Variants in TPD52L1 observed in about 807,000 individuals in gnomAD.
The protein encoded by TPD52L1 is TPD52 like 1.
In TPD52L1, 18 loss-of-function variants were observed where a neutral mutation model predicts 28.7. That is an observed-to-expected ratio of 0.63 (90% confidence interval 0.43 to 0.93). TPD52L1 has a LOEUF of 0.93. Among genes scored for constraint, TPD52L1 ranks in the 40% least tolerant of loss-of-function variants. The pLI, the probability that TPD52L1 is intolerant of heterozygous loss-of-function variation, is 0.00. For synonymous variants in TPD52L1, 75 were observed against 88.8 expected (o/e 0.84, Z 0.88); for missense variants, 203 against 254.8 (o/e 0.80, Z 1.39).
chr6:125,249,945 T>G (rs1227391338), intron 4 of TPD52L1, among the ~76,000 whole-genome samples: 1 of 152,132 alleles, frequency 6.6e-6, no homozygotes, highest in Non-Finnish European at 1.5e-5. Flanking sequence ...ATTGAAATTC[T>G]TCAGAAGCAG....
chr6:125,171,284 A>C (rs1562207405), intron 1 of TPD52L1, among the ~76,000 whole-genome samples: 1 of 152,282 alleles, frequency 6.6e-6, no homozygotes, highest in East Asian at 1.9e-4. Flanking sequence ...GGTTATCCAC[A>C]TACATGTGCA....
chr6:125,165,519 C>G (rs1790838913), intron 1 of TPD52L1, among the ~76,000 whole-genome samples: 1 of 152,134 alleles, frequency 6.6e-6, no homozygotes, highest in African/African-American at 2.4e-5. Context: ...CATATTGCTT[C>G]TTTCTCAAAA....
chr6:125,207,428 A>G (rs982710180), intron 1 of TPD52L1, among the ~76,000 whole-genome samples: 3 of 152,238 alleles, frequency 2.0e-5, no homozygotes, highest in African/African-American at 7.2e-5. Context: ...CACCTATGGA[A>G]GACGATTCTC....
intron 4 of TPD52L1, among the ~76,000 whole-genome samples, chr6:125,249,012 T>A (rs1173152516): frequency 6.6e-6 from 1 of 152,004 alleles, no homozygotes; most frequent in African/African-American, 2.4e-5. Context: ...ATTTCACTGT[T>A]ACATAAAATA....
At chr6:125,154,969 C>A (rs1352523563) in intron 1 of TPD52L1, among the ~76,000 whole-genome samples, 1 of 152,116 alleles carries the variant, frequency 6.6e-6, no homozygotes, top group African/African-American at 2.4e-5. Flanking sequence ...CTGATGCGCT[C>A]GCCCTCTAGG....
At chr6:125,227,117 A>G (rs1473243020) in intron 2 of TPD52L1, among the ~76,000 whole-genome samples, 3 of 152,204 alleles carry the variant, frequency 2.0e-5, no homozygotes, top group Non-Finnish European at 2.9e-5. Context: ...GTCCATGTAC[A>G]TATAAAAAAT....
chr6:125,206,930 C>T (rs934220743), intron 1 of TPD52L1, among the ~76,000 whole-genome samples: 1 of 152,176 alleles, frequency 6.6e-6, no homozygotes, highest in African/African-American at 2.4e-5. Flanking sequence ...TATTTTTCCT[C>T]ATGCAGTCTG....
rs55761249 is a variant in TPD52L1 at position 125,202,766 on chromosome 6, C to CTTTTTTTTT, written c.20-17304_20-17296dup. On this transcript the variant is annotated intron_variant, in intron 1 of 6. Coordinates refer to ENST00000534000, the MANE Select transcript of TPD52L1 (RefSeq NM_003287.4). ...CTGAGTGTTACATTTGGAGGTTTAT[C>CTTTTTTTTT]TTTTTTTTTTTTTTTTGAGACGGAG... 5.2e-3 allele frequency among the ~76,000 whole-genome samples: 600 copies of CTTTTTTTTT among 116,330 alleles called. 31 individuals carry two copies. Among genetic ancestry groups the CTTTTTTTTT allele is most frequent in the African/African-American group, 6.5e-3 (180 of 27,684 alleles). The allele number at this position is 116,330 out of a possible 152,430, so 76.3% of individuals were successfully genotyped here. A position where few individuals can be genotyped will look rare whatever the true frequency, so the allele number is the denominator to read the frequency against.
At chr6:125,238,882 T>C (rs1369135575) in intron 3 of TPD52L1, among the ~76,000 whole-genome samples, 9 of 152,262 alleles carry the variant, frequency 5.9e-5, no homozygotes, top group Non-Finnish European at 1.3e-4. Flanking sequence ...CATCAGTTGA[T>C]GGGCATGTAA....
chr6:125,190,635 G>T (rs1792973352), intron 1 of TPD52L1, among the ~76,000 whole-genome samples: 1 of 152,156 alleles, frequency 6.6e-6, no homozygotes, highest in African/African-American at 2.4e-5. Context: ...GGAGTCCTGA[G>T]CTTGTTTTTC....
At chr6:125,262,652 C>A in intron 6 of TPD52L1, 182 bp from the exon 7 acceptor site, 1 of 772,916 alleles carries the variant, frequency 1.3e-6, no homozygotes, top group Non-Finnish European at 1.9e-6. Flanking sequence ...TATCCGAGAA[C>A]CCAAGTATGA....
chr6:125,217,668 C>T (rs750866224), intron 1 of TPD52L1, among the ~76,000 whole-genome samples: 66 of 152,238 alleles, frequency 4.3e-4, no homozygotes, highest in African/African-American at 1.3e-3. Context: ...TGGTCCATGG[C>T]GCGGGAGTTG....
chr6:125,262,236 AG>A (rs1188051162), intron 6 of TPD52L1: 2 of 152,434 alleles, frequency 1.3e-5, no homozygotes, highest in African/African-American at 2.4e-5. Flanking sequence ...GATTTGGGTG[AG>A]GACACAGCCA....
intron 6 of TPD52L1, among the ~76,000 whole-genome samples, chr6:125,258,338 G>A (rs912297392): frequency 1.3e-5 from 2 of 152,110 alleles, no homozygotes; most frequent in South Asian, 2.1e-4. Context: ...CTTATTGAGC[G>A]TACAGGAACC....
At chr6:125,208,059 C>T (rs951498678) in intron 1 of TPD52L1, among the ~76,000 whole-genome samples, 10 of 152,170 alleles carry the variant, frequency 6.6e-5, no homozygotes, top group African/African-American at 2.4e-4. Context: ...CAGCAGTTAT[C>T]CCTTTTTCAA....
intron 1 of TPD52L1, among the ~76,000 whole-genome samples, chr6:125,207,869 C>T (rs1330170496): frequency 6.6e-6 from 1 of 152,160 alleles, no homozygotes; most frequent in Non-Finnish European, 1.5e-5. Context: ...AAATCTCAGA[C>T]CCTTTATAGT....
chr6:125,242,479 C>T (rs759823311), intron 3 of TPD52L1, among the ~76,000 whole-genome samples: 7 of 152,034 alleles, frequency 4.6e-5, no homozygotes, highest in Non-Finnish European at 7.4e-5. Context: ...CTCCAGTATT[C>T]GGTGCATATG....
At chr6:125,215,183 T>A (rs1307416262) in intron 1 of TPD52L1, among the ~76,000 whole-genome samples, 1 of 152,246 alleles carries the variant, frequency 6.6e-6, no homozygotes, top group Non-Finnish European at 1.5e-5. Context: ...TTATACTTAT[T>A]TTATTGCCCT....
At chr6:125,200,825 G>C (rs1793758075) in intron 1 of TPD52L1, among the ~76,000 whole-genome samples, 1 of 152,172 alleles carries the variant, frequency 6.6e-6, no homozygotes, top group African/African-American at 2.4e-5. Context: ...ATAAGGGTCA[G>C]AATCCAATTT....
Sources: allele counts gnomAD v4.1 joint callset (sites outside exome capture counted in the v4.1 genomes callset), GRCh38; gene constraint gnomAD v4.1.1; transcripts MANE v1.5; gene names NCBI Gene and HGNC (gene_info 2026-07-23, HGNC 2026-07-21).